Variants in NPR3 observed in about 807,000 individuals in gnomAD.
NPR3 encodes atrial natriuretic peptide receptor 3.
In NPR3, 34 loss-of-function variants were observed where a neutral mutation model predicts 54.5. The ratio of observed to expected loss-of-function variants is 0.62; its 90% confidence interval spans 0.47 to 0.83. NPR3 has a LOEUF of 0.83. Ranked by LOEUF, NPR3 falls within the 40% of genes least tolerant of loss-of-function variation. NPR3 has a pLI of 0.00. For synonymous variants in NPR3, 289 were observed against 297.1 expected, an observed-to-expected ratio of 0.97 and a Z score of 0.28; for missense variants, 674 against 720.8, an observed-to-expected ratio of 0.94 and a Z score of 0.74.
intron 3 of NPR3, among the ~76,000 whole-genome samples, chr5:32,760,667 G>T (rs10044570): frequency 0.14 from 20,454 of 142,728 alleles, 1,473 homozygotes; most frequent in South Asian, 0.22. Flanking sequence ...ATGAGCAGTG[G>T]TTTTTTTTTT....
At chr5:32,775,329 T>C (rs1214712955) in intron 4 of NPR3, among the ~76,000 whole-genome samples, 1 of 151,700 alleles carries the variant, frequency 6.6e-6, no homozygotes, top group East Asian at 1.9e-4. Context: ...GTTTTTGCTC[T>C]TGTTGCCCAG....
chr5:32,757,439 TAC>T (rs975882807), intron 3 of NPR3, among the ~76,000 whole-genome samples: 1 of 152,220 alleles, frequency 6.6e-6, no homozygotes, highest in African/African-American at 2.4e-5. Flanking sequence ...GTGATTTTTG[TAC>T]ATTGATTTTG....
In NPR3 at chr5:32,786,561, A is replaced by C; in HGVS notation, c.*216A>C. The C allele has an allele frequency of 1.9e-6, 1 of 528,756 alleles. No homozygotes were observed. Among genetic ancestry groups the C allele is most frequent in the Non-Finnish European group, 3.3e-6 (1 of 304,840 alleles). 32.8% of individuals were successfully genotyped at this position (528,756 alleles called of 1,614,324 possible). A position where few individuals can be genotyped will look rare whatever the true frequency, so the allele number is the denominator to read the frequency against. The stretch of plus-strand genomic sequence containing the variant: ...CTCATGACAAACAAATATAATAATG[A>C]TATCGTGTCACTCTGTTAAATGTTC... On this transcript the variant is annotated 3_prime_UTR_variant, in exon 8 of 8. Transcript: ENST00000265074.
chr5:32,756,476 T>A (rs535940482), intron 3 of NPR3, among the ~76,000 whole-genome samples: 1 of 152,372 alleles, frequency 6.6e-6, no homozygotes, highest in Non-Finnish European at 1.5e-5. Context: ...TAAATTTGTT[T>A]GAGTTCTTTG....
At chr5:32,728,695 T>C (rs1449735937) in intron 2 of NPR3, among the ~76,000 whole-genome samples, 2 of 151,362 alleles carry the variant, frequency 1.3e-5, no homozygotes, top group Non-Finnish European at 2.9e-5. Flanking sequence ...GACCCTTCTA[T>C]AATGAAATAA....
chr5:32,742,867 A>G (rs550093789), intron 3 of NPR3, among the ~76,000 whole-genome samples: 1 of 152,274 alleles, frequency 6.6e-6, no homozygotes, highest in East Asian at 1.9e-4. Context: ...GTTAAGGAAA[A>G]TCTTTGGACA....
At chr5:32,710,644 C>A (rs1738159188), upstream of NPR3, 2 of 1,476,528 alleles carry the variant, frequency 1.4e-6, no homozygotes, top group Non-Finnish European at 1.8e-6. Context: ...CCGGGCCAGC[C>A]GGGCACACCA....
intron 1 of NPR3, among the ~76,000 whole-genome samples, chr5:32,718,838 A>C (rs1445560868): frequency 1.3e-5 from 2 of 152,092 alleles, no homozygotes; most frequent in Non-Finnish European, 2.9e-5. Flanking sequence ...AATACCCTTT[A>C]TTTCTTTCTC....
chr5:32,769,329 C>A (rs1325298709), intron 3 of NPR3, among the ~76,000 whole-genome samples: 1 of 152,198 alleles, frequency 6.6e-6, no homozygotes, highest in Non-Finnish European at 1.5e-5. Flanking sequence ...ATGCACACAG[C>A]ACTCCCAGAC....
At chr5:32,768,036 G>A (rs1237824865) in intron 3 of NPR3, among the ~76,000 whole-genome samples, 5 of 152,180 alleles carry the variant, frequency 3.3e-5, no homozygotes, top group Admixed American at 1.3e-4. Flanking sequence ...CAGTTGCAGG[G>A]TGAGTGGGAT....
intron 3 of NPR3, among the ~76,000 whole-genome samples, chr5:32,745,791 T>A (rs762650012): frequency 7.2e-5 from 11 of 152,210 alleles, no homozygotes; most frequent in Non-Finnish European, 1.0e-4. Context: ...CTCCTCTTCA[T>A]CCTCAGTGAC....
intron 1 of NPR3, 59 bp downstream of exon 1, chr5:32,712,604 C>T: frequency 2.7e-6 from 4 of 1,456,312 alleles, no homozygotes; most frequent in Non-Finnish European, 3.7e-6. Context: ...CGCGGCTCTC[C>T]CTGCACACTC....
chr5:32,782,563 A>C (rs1255770319), intron 5 of NPR3, among the ~76,000 whole-genome samples: 1 of 152,096 alleles, frequency 6.6e-6, no homozygotes, highest in Non-Finnish European at 1.5e-5. Flanking sequence ...AGCCCAGGGG[A>C]CACCACTCTC....
In NPR3 at chr5:32,728,831, GTGTGTGTATATATATATATATATA is replaced by G. The variant is rs1314147267; in HGVS notation, c.892+4013_892+4036del. 3.6e-4 allele frequency among the ~76,000 whole-genome samples: 23 copies of G among 63,970 alleles called. 2 individuals carry two copies. The highest frequency in any genetic ancestry group is 1.3e-3 in the Admixed American group (7 of 5,502). The allele number at this position is 63,970 out of a possible 152,430, so 42.0% of individuals were successfully genotyped here. On this transcript the variant is annotated intron_variant, in intron 2 of 7. Transcript: ENST00000265074. Reference sequence around the variant, plus strand: ...TTGGAATATTTGTGTGTGTGTGTGTGTGTGTGTATATATATATATATATATATATATATATATATATATATGTAA... The same window carrying G: ...TTGGAATATTTGTGTGTGTGTGTGTGTATATATATATATATATATATGTAA...
At chr5:32,744,728 A>C (rs1448399066) in intron 3 of NPR3, among the ~76,000 whole-genome samples, 1 of 152,150 alleles carries the variant, frequency 6.6e-6, no homozygotes, top group Non-Finnish European at 1.5e-5. Flanking sequence ...TGTAACTCAA[A>C]CATCACTTCC....
chr5:32,724,960 C>A, intron 2 of NPR3, 140 bp downstream of exon 2: 1 of 967,700 alleles, frequency 1.0e-6, no homozygotes, highest in Non-Finnish European at 1.5e-6. Context: ...ACAATGGAAT[C>A]ATGTCTTTTG....
intron 1 of NPR3, among the ~76,000 whole-genome samples, chr5:32,695,149 A>G (rs1443861436): frequency 6.6e-6 from 1 of 152,254 alleles, no homozygotes; most frequent in African/African-American, 2.4e-5. Flanking sequence ...GCTATTGTGA[A>G]TAGTGCTGCA....
intron 1 of NPR3, among the ~76,000 whole-genome samples, chr5:32,692,059 T>A (rs1234966989): frequency 6.6e-6 from 1 of 152,148 alleles, no homozygotes; most frequent in African/African-American, 2.4e-5. Context: ...ATGAAAGGAA[T>A]GTGAAGAGAG....
At chr5:32,743,364 A>AT (rs1381140244) in intron 3 of NPR3, among the ~76,000 whole-genome samples, 23 of 152,040 alleles carry the variant, frequency 1.5e-4, no homozygotes, top group Non-Finnish European at 2.8e-4. Flanking sequence ...TTATGCTCAG[A>AT]TTTCCCAGTT....
Sources: gnomAD v4.1 joint callset for allele counts (sites outside exome capture counted in the v4.1 genomes callset) on GRCh38, gnomAD v4.1.1 for gene constraint, MANE v1.5 for transcripts, NCBI Gene and HGNC (gene_info 2026-07-23, HGNC 2026-07-21) for gene names.